PLEKHA2: variants seen among roughly 807,000 people sequenced by gnomAD.
PLEKHA2 encodes the protein pleckstrin homology domain containing A2, also known as pleckstrin homology domain-containing family A member 2.
Under a neutral mutation model 53.2 loss-of-function variants are expected in PLEKHA2, and 28 were observed. That is an observed-to-expected ratio of 0.53 (90% CI 0.39 to 0.72). PLEKHA2 has a LOEUF of 0.72. Among genes scored for constraint, PLEKHA2 ranks in the 30% least tolerant of loss-of-function variants. The pLI is 0.00. For missense variants in PLEKHA2, 426 were observed against 537.9 expected, an observed-to-expected ratio of 0.79 and a Z score of 2.06; for synonymous variants, 193 against 196.4, an observed-to-expected ratio of 0.98 and a Z score of 0.14.
At chr8:38,935,723 C>T (rs1214461088) in intron 2 of PLEKHA2, among the ~76,000 whole-genome samples, 1 of 152,196 alleles carries the variant, frequency 6.6e-6, no homozygotes, top group Admixed American at 6.5e-5. Flanking sequence ...CCAGCCTGAG[C>T]ACACACTTTT....
At chr8:38,947,651 C>G (rs1183691774) in intron 5 of PLEKHA2, among the ~76,000 whole-genome samples, 1 of 152,030 alleles carries the variant, frequency 6.6e-6, no homozygotes. Context: ...GTGTAAACAG[C>G]TTTGGAAAGG....
At position 38,971,546 on chromosome 8, in the gene PLEKHA2, G is replaced by A. The variant is rs1157688471; in HGVS notation, c.*1763G>A. The A allele has an allele frequency of 6.6e-6, 1 of 152,162 alleles. No individual in the cohort carries two copies. Among genetic ancestry groups the A allele is most frequent in the African/African-American group, 2.4e-5 (1 of 41,436 alleles). 9.4% of individuals were successfully genotyped at this position (152,162 alleles called of 1,614,324 possible). A position where few individuals can be genotyped will look rare whatever the true frequency, so the allele number is the denominator to read the frequency against. On this transcript the variant is annotated 3_prime_UTR_variant, in exon 12 of 12. Coordinates refer to ENST00000617275, the MANE Select transcript of PLEKHA2 (RefSeq NM_021623.2). ...ATGTGATGTGGAACTCATGAAAATA[G>A]GGACTTTTGATATCTCTTTAAATAT...
At chr8:38,951,234 G>A (rs6998933) in intron 6 of PLEKHA2, among the ~76,000 whole-genome samples, 60,519 of 151,958 alleles carry the variant, frequency 0.4, 12,286 homozygotes, top group Admixed American at 0.47. Context: ...GTTCTGTGCC[G>A]AACACGGGAG....
At chr8:38,926,381 C>CTT (rs545129514) in intron 2 of PLEKHA2, among the ~76,000 whole-genome samples, 23 of 137,256 alleles carry the variant, frequency 1.7e-4, no homozygotes, top group East Asian at 4.2e-4. Context: ...TTAAAAAGTA[C>CTT]TTTTTTTTTT....
intron 10 of PLEKHA2, among the ~76,000 whole-genome samples, chr8:38,968,120 A>C (rs1222379379): frequency 6.6e-6 from 1 of 152,188 alleles, no homozygotes; most frequent in Non-Finnish European, 1.5e-5. Context: ...TTTGGCTTTA[A>C]TAGGGCTGGA....
chr8:38,935,869 A>G, intron 2 of PLEKHA2, 125 bp from the exon 3 acceptor site: 1 of 812,016 alleles, frequency 1.2e-6, no homozygotes, highest in Non-Finnish European at 2.1e-6. Flanking sequence ...TGCAAGTTAA[A>G]GAATGGTTGA....
In PLEKHA2 at chr8:38,958,004, C is replaced by T. The variant is rs547134162; in HGVS notation, c.837+618C>T. 9.2e-5 allele frequency among the ~76,000 whole-genome samples: 14 copies of T among 152,308 alleles called. 1 individual carries two copies. In the South Asian group the frequency reaches 2.7e-3, roughly 29 times the overall value. ...CAGAGAGTGCCTTGATTCGCAGCCC[C>T]GTGGTGATGCTGGACTTTTAGTATT... On this transcript the variant is annotated intron_variant, in intron 10 of 11. Coordinates refer to ENST00000617275, the MANE Select transcript of PLEKHA2 (RefSeq NM_021623.2).
intron 10 of PLEKHA2, among the ~76,000 whole-genome samples, chr8:38,964,681 C>T (rs1300229933): frequency 2.7e-5 from 4 of 150,858 alleles, no homozygotes; most frequent in Admixed American, 2.0e-4. Context: ...CGTCTGGTAA[C>T]ATGGAAAAAT....
chr8:38,929,940 G>A (rs796734256), intron 2 of PLEKHA2, among the ~76,000 whole-genome samples: 2 of 152,196 alleles, frequency 1.3e-5, no homozygotes, highest in South Asian at 4.1e-4. Context: ...AGAGGCGGAA[G>A]GGAGTAGAAG....
In PLEKHA2 at chr8:38,922,924, G is replaced by T. The variant is rs996630166; in HGVS notation, c.141+4854G>T. On this transcript the variant is annotated intron_variant, in intron 2 of 11. Coordinates refer to ENST00000617275, the MANE Select transcript of PLEKHA2 (RefSeq NM_021623.2). The surrounding 1 kb of genome is among the most constrained non-coding windows in gnomAD (Gnocchi z 4.0). ...GACTCAAGTGTGCAACCTCCTCTTT[G>T]TCTGCCTCCCTCCTCCCACTGACCT... is the stretch of plus-strand genomic sequence containing the variant. Among the ~76,000 whole-genome samples the T allele has an allele frequency of 2.6e-5, 4 of 152,248 alleles. No individual in the cohort carries two copies. Among genetic ancestry groups the T allele is most frequent in the Middle Eastern group, 3.4e-3 (1 of 294 alleles).
intron 3 of PLEKHA2, among the ~76,000 whole-genome samples, chr8:38,943,334 T>A (rs1004848858): frequency 4.0e-5 from 6 of 151,482 alleles, no homozygotes; most frequent in Non-Finnish European, 8.8e-5. Flanking sequence ...TTTTCTTTTT[T>A]AAAAAAAACT....
At chr8:38,926,272 C>T (rs1345057166) in intron 2 of PLEKHA2, among the ~76,000 whole-genome samples, 1 of 151,414 alleles carries the variant, frequency 6.6e-6, no homozygotes, top group Non-Finnish European at 1.5e-5. Context: ...AGAGTAAGAA[C>T]GCAGAATCCT....
intron 1 of PLEKHA2, among the ~76,000 whole-genome samples, chr8:38,907,336 A>C (rs1256898658): frequency 6.6e-6 from 1 of 152,156 alleles, no homozygotes; most frequent in Non-Finnish European, 1.5e-5. Flanking sequence ...TTTATCTCAA[A>C]AATGCTAAAG....
rs1024008076 is a variant in PLEKHA2, at chr8:38,922,145, G to C, written c.141+4075G>C. On this transcript the variant is annotated intron_variant, in intron 2 of 11. Coordinates refer to ENST00000617275, the MANE Select transcript of PLEKHA2 (RefSeq NM_021623.2). The surrounding 1 kb of genome is among the most constrained non-coding windows in gnomAD (Gnocchi z 4.0). ...CTAACCCCGGCAGTCTAACTCTAGT[G>C]CCCCTGCCATTATTGCTGATAATGA... 1.3e-5 allele frequency among the ~76,000 whole-genome samples: 2 copies of C among 152,240 alleles called. No individual in the cohort carries two copies. The highest frequency in any genetic ancestry group is 6.5e-5 in the Admixed American group (1 of 15,286).
At chr8:38,903,724 G>A (rs1833828337) in intron 1 of PLEKHA2, among the ~76,000 whole-genome samples, 1 of 152,192 alleles carries the variant, frequency 6.6e-6, no homozygotes, top group South Asian at 2.1e-4. Context: ...TGCCCCTGCT[G>A]AAAGGCTGGA....
intron 2 of PLEKHA2, among the ~76,000 whole-genome samples, chr8:38,921,872 C>G (rs951821913): frequency 6.6e-6 from 1 of 152,218 alleles, no homozygotes; most frequent in African/African-American, 2.4e-5. Context: ...TGGGTTAGTT[C>G]TTTGTTGTGT....
intron 10 of PLEKHA2, among the ~76,000 whole-genome samples, chr8:38,967,044 G>A (rs968760553): frequency 7.9e-5 from 12 of 151,214 alleles, no homozygotes; most frequent in African/African-American, 2.7e-4. Context: ...AGAATATGTG[G>A]TATTTGACTT....
At chr8:38,901,726 G>C (rs1833788268) in intron 1 of PLEKHA2, 1 of 151,910 alleles carries the variant, frequency 6.6e-6, no homozygotes, top group Non-Finnish European at 1.5e-5. Flanking sequence ...CAGGGGTCGG[G>C]CTGCGGGGGG....
intron 2 of PLEKHA2, among the ~76,000 whole-genome samples, chr8:38,927,441 G>T (rs1382259438): frequency 6.6e-6 from 1 of 152,218 alleles, no homozygotes; most frequent in Non-Finnish European, 1.5e-5. Context: ...AGGAGTTAGA[G>T]GCTGCAGTGA....
Sources: allele counts gnomAD v4.1 joint callset (sites outside exome capture counted in the v4.1 genomes callset), GRCh38; gene constraint gnomAD v4.1.1; non-coding constraint Gnocchi (gnomAD v3.1); transcripts MANE v1.5; gene names NCBI Gene and HGNC (gene_info 2026-07-23, HGNC 2026-07-21).